Variants in GRM8 observed in about 807,000 individuals in gnomAD.
GRM8 encodes the protein glutamate metabotropic receptor 8.
A neutral mutation model predicts 87.2 loss-of-function variants in GRM8; 47 were observed. The observed-to-expected ratio is 0.54, with a 90% confidence interval of 0.43 to 0.69. The LOEUF is 0.69. Among genes scored for constraint, GRM8 ranks in the 30% least tolerant of loss-of-function variants. The pLI is 0.00. For synonymous variants in GRM8, 396 were observed against 404.5 expected (o/e 0.98, Z 0.25); for missense variants, 1,019 against 1,139.2 (o/e 0.89, Z 1.52).
intron 6 of GRM8, among the ~76,000 whole-genome samples, chr7:126,868,374 T>A (rs1798793609): frequency 6.6e-6 from 1 of 152,210 alleles, no homozygotes; most frequent in Admixed American, 6.5e-5. Flanking sequence ...GACCACTGTG[T>A]CCCTAGTGAA....
At chr7:126,695,840 A>G (rs1809323329) in intron 7 of GRM8, among the ~76,000 whole-genome samples, 1 of 152,216 alleles carries the variant, frequency 6.6e-6, no homozygotes, top group Non-Finnish European at 1.5e-5. Flanking sequence ...GGGACACATT[A>G]GCACAAAAGA....
chr7:127,096,169 T>G (rs2132964824), intron 3 of GRM8, among the ~76,000 whole-genome samples: 1 of 152,308 alleles, frequency 6.6e-6, no homozygotes, highest in Non-Finnish European at 1.5e-5. Flanking sequence ...GCACTTAGCC[T>G]CTCTGCTGCC....
chr7:126,994,573 G>A (rs1812996146), intron 3 of GRM8, among the ~76,000 whole-genome samples: 1 of 152,152 alleles, frequency 6.6e-6, no homozygotes, highest in South Asian at 2.1e-4. Flanking sequence ...GAGCCCCTGG[G>A]CCTTAAGTGA....
chr7:126,731,306 C>T (rs1290129917), intron 7 of GRM8, among the ~76,000 whole-genome samples: 1 of 152,132 alleles, frequency 6.6e-6, no homozygotes, highest in East Asian at 1.9e-4. Context: ...GTGTAACTGA[C>T]TTGCCTCTAG....
At chr7:126,966,419 G>A (rs1809869801) in intron 3 of GRM8, among the ~76,000 whole-genome samples, 1 of 152,144 alleles carries the variant, frequency 6.6e-6, no homozygotes, top group Non-Finnish European at 1.5e-5. Flanking sequence ...ACAGTCATGA[G>A]CCACTGCGCC....
At chr7:126,953,214 G>A (rs1166769855) in intron 3 of GRM8, among the ~76,000 whole-genome samples, 1 of 152,080 alleles carries the variant, frequency 6.6e-6, no homozygotes, top group Admixed American at 6.5e-5. Flanking sequence ...AACCACTGAT[G>A]TGAAAATTAT....
chr7:126,567,169 C>A (rs1427025968), intron 8 of GRM8, among the ~76,000 whole-genome samples: 1 of 152,042 alleles, frequency 6.6e-6, no homozygotes, highest in Non-Finnish European at 1.5e-5. Context: ...ACCTACTGGA[C>A]AACATTGTAG....
chr7:127,148,729 A>G (rs1458297737), intron 2 of GRM8, among the ~76,000 whole-genome samples: 1 of 152,078 alleles, frequency 6.6e-6, no homozygotes, highest in Non-Finnish European at 1.5e-5. Context: ...TAAACAACCA[A>G]TGGGTCAAAG....
intron 7 of GRM8, among the ~76,000 whole-genome samples, chr7:126,741,848 T>A (rs959760698): frequency 6.6e-6 from 1 of 152,200 alleles, no homozygotes; most frequent in East Asian, 1.9e-4. Flanking sequence ...CACCTACTTT[T>A]AAAAGACTAA....
intron 1 of GRM8, among the ~76,000 whole-genome samples, chr7:127,250,110 T>C (rs1413191807): frequency 2.0e-5 from 3 of 152,142 alleles, no homozygotes; most frequent in Admixed American, 1.3e-4. Context: ...CTGAAGACAA[T>C]GGAACATTCA....
chr7:127,124,556 A>G (rs1349708618), intron 2 of GRM8, among the ~76,000 whole-genome samples: 1 of 152,180 alleles, frequency 6.6e-6, no homozygotes, highest in Non-Finnish European at 1.5e-5. Flanking sequence ...CAAGATGACA[A>G]TGTCCAACAA....
At chr7:126,677,360 C>CA (rs35134983) in intron 7 of GRM8, among the ~76,000 whole-genome samples, 23,487 of 115,628 alleles carry the variant, frequency 0.2, 2,139 homozygotes, top group South Asian at 0.26. Flanking sequence ...GGCATCCACC[C>CA]AAAAAAAAAA....
intron 3 of GRM8, 69 bp downstream of exon 3, chr7:127,106,427 A>G (rs1257551999): frequency 3.3e-6 from 4 of 1,207,892 alleles, no homozygotes; most frequent in Admixed American, 1.8e-5. Flanking sequence ...ATAAGAGAGC[A>G]CTTGGAGATG....
rs1024663222 is a variant in GRM8 at position 126,570,041 on chromosome 7, G to T, written c.1495-36154C>A. Among the ~76,000 whole-genome samples, 53 of 152,154 alleles carry T rather than the reference G, an allele frequency of 3.5e-4. 1 individual carries two copies. The highest frequency in any genetic ancestry group is 1.5e-5 in the Non-Finnish European group (1 of 68,026). On this transcript the variant is annotated intron_variant, in intron 8 of 10. Transcript: ENST00000339582. Reference sequence around the variant, plus strand: ...ATGGATTTCATGACCAGAACATTCTGATTTTCACTGTAACTCTTCCCTGGC... The same window carrying T: ...ATGGATTTCATGACCAGAACATTCTTATTTTCACTGTAACTCTTCCCTGGC...
intron 3 of GRM8, among the ~76,000 whole-genome samples, chr7:126,967,546 C>T (rs1229966042): frequency 3.0e-5 from 2 of 67,578 alleles, no homozygotes; most frequent in Non-Finnish European, 5.8e-5. Context: ...ATCTACATCC[C>T]TTGAGAAAAA....
intron 9 of GRM8, among the ~76,000 whole-genome samples, chr7:126,484,999 T>C (rs2283064): frequency 0.47 from 71,203 of 151,788 alleles, 17,666 homozygotes; most frequent in African/African-American, 0.64. Context: ...AGTCATACTA[T>C]GGACCTTTCT....
chr7:126,666,670 A>G (rs374957434), intron 7 of GRM8, among the ~76,000 whole-genome samples: 1 of 152,152 alleles, frequency 6.6e-6, no homozygotes, highest in Non-Finnish European at 1.5e-5. Context: ...ATAGGAGAGT[A>G]AATTCTAACA....
intron 6 of GRM8, among the ~76,000 whole-genome samples, chr7:126,785,437 T>C (rs1192683569): frequency 6.6e-6 from 1 of 152,110 alleles, no homozygotes; most frequent in African/African-American, 2.4e-5. Flanking sequence ...AATTCACCAC[T>C]TCTTACATGG....
chr7:127,116,594 C>G (rs1400770347), intron 2 of GRM8, among the ~76,000 whole-genome samples: 1 of 152,176 alleles, frequency 6.6e-6, no homozygotes, highest in Non-Finnish European at 1.5e-5. Flanking sequence ...GGCCACTCAC[C>G]TGGTCCGCAA....
Sources: allele counts gnomAD v4.1 joint callset (sites outside exome capture counted in the v4.1 genomes callset), GRCh38; gene constraint gnomAD v4.1.1; transcripts MANE v1.5; gene names NCBI Gene and HGNC (gene_info 2026-07-23, HGNC 2026-07-21).